SRGAP3: variants seen among roughly 807,000 people sequenced by gnomAD.
SRGAP3 encodes the protein SLIT-ROBO Rho GTPase activating protein 3, also known as SLIT-ROBO Rho GTPase-activating protein 3.
Under a neutral mutation model 121.1 loss-of-function variants are expected in SRGAP3, and 39 were observed. The ratio of observed to expected loss-of-function variants is 0.32; its 90% CI spans 0.25 to 0.42. SRGAP3 has a LOEUF of 0.42. SRGAP3 is among the 10% of genes least tolerant of loss of function. The probability of loss-of-function intolerance (pLI) is 1.00; values close to 1 mark genes in which losing one functional copy is unlikely to be tolerated. For synonymous variants in SRGAP3, 601 were observed against 570.0 expected (o/e 1.05, Z -0.77); for missense variants, 1,213 against 1,470.6 (o/e 0.82, Z 2.86).
chr3:9,260,241 A>G (rs1218863554), intron 3 of SRGAP3, among the ~76,000 whole-genome samples: 1 of 152,110 alleles, frequency 6.6e-6, no homozygotes, highest in Non-Finnish European at 1.5e-5. Flanking sequence ...GCAGACACTG[A>G]GCTAGCTGCA....
chr3:9,135,141 GT>G (rs1366310845), intron 1 of SRGAP3, among the ~76,000 whole-genome samples: 1 of 152,144 alleles, frequency 6.6e-6, no homozygotes. Flanking sequence ...CACATTTCAC[GT>G]GTTAAACCAT....
At chr3:9,222,474 C>T (rs1307383789) in intron 1 of SRGAP3, among the ~76,000 whole-genome samples, 1 of 152,212 alleles carries the variant, frequency 6.6e-6, no homozygotes, top group East Asian at 1.9e-4. Flanking sequence ...TTTCTACTAC[C>T]ACCAGCTTTA....
chr3:9,124,350 G>T (rs1171657506), intron 2 of SRGAP3, among the ~76,000 whole-genome samples: 1 of 152,222 alleles, frequency 6.6e-6, no homozygotes, highest in African/African-American at 2.4e-5. Context: ...AGGACAACTG[G>T]ATCGGGACAG....
At chr3:9,184,097 A>G (rs1032617022) in intron 1 of SRGAP3, among the ~76,000 whole-genome samples, 2 of 152,084 alleles carry the variant, frequency 1.3e-5, no homozygotes, top group Non-Finnish European at 2.9e-5. Flanking sequence ...TCCCCTCTGT[A>G]AAGGGGCTTA....
intron 3 of SRGAP3, among the ~76,000 whole-genome samples, chr3:9,080,440 T>A (rs1191645397): frequency 6.6e-6 from 1 of 152,208 alleles, no homozygotes; most frequent in Admixed American, 6.5e-5. Flanking sequence ...ATGACCAGGG[T>A]CTGAGCTCCT....
chr3:8,995,755 C>T (rs1367265764), intron 18 of SRGAP3, among the ~76,000 whole-genome samples: 1 of 152,082 alleles, frequency 6.6e-6, no homozygotes, highest in Non-Finnish European at 1.5e-5. Flanking sequence ...AGTTTCTACC[C>T]TAAGAAGTGT....
intron 3 of SRGAP3, among the ~76,000 whole-genome samples, chr3:9,267,084 C>T (rs979821937): frequency 6.6e-6 from 1 of 152,180 alleles, no homozygotes; most frequent in South Asian, 2.1e-4. Flanking sequence ...AAGGGTTCCT[C>T]CTGGACTCCA....
chr3:9,326,309 C>T (rs1447813210), intron 2 of SRGAP3: 1 of 151,852 alleles, frequency 6.6e-6, no homozygotes, highest in Non-Finnish European at 1.5e-5. Flanking sequence ...AAAACATGCA[C>T]TGAAAATGAC....
intron 1 of SRGAP3, among the ~76,000 whole-genome samples, chr3:9,203,566 C>T (rs1952144546): frequency 6.6e-6 from 1 of 152,168 alleles, no homozygotes; most frequent in African/African-American, 2.4e-5. Flanking sequence ...CTCTTCTGTG[C>T]TCCTGCACCC....
intron 9 of SRGAP3, chr3:9,049,175 C>T: frequency 3.1e-6 from 1 of 321,890 alleles, no homozygotes; most frequent in Non-Finnish European, 6.2e-6. Flanking sequence ...CACCACCTTC[C>T]CATTGACAGC....
intron 1 of SRGAP3, among the ~76,000 whole-genome samples, chr3:9,194,654 A>C (rs1195019953): frequency 6.6e-6 from 1 of 152,222 alleles, no homozygotes; most frequent in Non-Finnish European, 1.5e-5. Context: ...GAAAACAGAG[A>C]TGTAAAACAA....
chr3:9,020,800 CAGG>C (rs1488717556), intron 14 of SRGAP3, among the ~76,000 whole-genome samples: 1 of 152,194 alleles, frequency 6.6e-6, no homozygotes, highest in African/African-American at 2.4e-5. Context: ...CGGCTTTCTC[CAGG>C]AGGAGAATTA....
At chr3:9,066,356 TC>T (rs1449726927) in intron 4 of SRGAP3, among the ~76,000 whole-genome samples, 2 of 152,188 alleles carry the variant, frequency 1.3e-5, no homozygotes, top group Admixed American at 1.3e-4. Context: ...AGCCAAGGCT[TC>T]CCCCAGGAAT....
Position 8,981,427 on chromosome 3 carries a change from C to G in SRGAP3, c.*4092G>C, listed in dbSNP as rs1382689575. 4.3e-6 allele frequency: 1 copy of G among 232,536 alleles called. No homozygotes were observed. The highest frequency in any genetic ancestry group is 8.5e-6 in the Non-Finnish European group (1 of 117,654). The allele number at this position is 232,536 out of a possible 1,614,324, so 14.4% of individuals were successfully genotyped here. Reference sequence around the variant, plus strand: ...TTCTCAGGAGAGTGAGGCATTTGCACTAGTGTGGAACCATCTGGATGTGTG... The same window carrying G: ...TTCTCAGGAGAGTGAGGCATTTGCAGTAGTGTGGAACCATCTGGATGTGTG... On this transcript the variant is annotated 3_prime_UTR_variant, in exon 22 of 22. Transcript: ENST00000383836.
chr3:9,307,944 C>T (rs1955184378), intron 3 of SRGAP3, among the ~76,000 whole-genome samples: 1 of 152,238 alleles, frequency 6.6e-6, no homozygotes, highest in Non-Finnish European at 1.5e-5. Context: ...CACTTAAGGT[C>T]AGGAGTTCGA....
intron 12 of SRGAP3, among the ~76,000 whole-genome samples, chr3:9,029,354 T>G (rs1297665594): frequency 6.6e-6 from 1 of 152,214 alleles, no homozygotes; most frequent in East Asian, 1.9e-4. Context: ...CCTCCTGGGC[T>G]TCAAAATTGG....
rs2124870327 is a variant in SRGAP3, at chr3:8,980,871, G to C, written c.*4648C>G. ...TAGACCAGCCACTCTGAAGCAATCA[G>C]AATCAAACCTATTGCCAAACCATGT... On this transcript the variant is annotated 3_prime_UTR_variant, in exon 22 of 22. Transcript: ENST00000383836. The C allele has an allele frequency of 4.3e-6, 1 of 233,418 alleles. No individual in the cohort carries two copies. Among genetic ancestry groups the C allele is most frequent in the Non-Finnish European group, 8.5e-6 (1 of 117,844 alleles). The allele number at this position is 233,418 out of a possible 1,614,324, so 14.5% of individuals were successfully genotyped here.
At chr3:9,123,168 G>A (rs927610621) in intron 2 of SRGAP3, among the ~76,000 whole-genome samples, 1 of 152,134 alleles carries the variant, frequency 6.6e-6, no homozygotes, top group Non-Finnish European at 1.5e-5. Flanking sequence ...GGTAGTTGCC[G>A]GCAGCTGGAA....
intron 1 of SRGAP3, among the ~76,000 whole-genome samples, chr3:9,341,710 G>A (rs187289758): frequency 1.3e-5 from 2 of 152,242 alleles, no homozygotes. Context: ...TGTTGGCCAG[G>A]CTGGTCTTGA....
Sources: gnomAD v4.1 joint callset for allele counts (sites outside exome capture counted in the v4.1 genomes callset) on GRCh38, gnomAD v4.1.1 for gene constraint, MANE v1.5 for transcripts, NCBI Gene and HGNC (gene_info 2026-07-23, HGNC 2026-07-21) for gene names.